ENTPD3: variants seen among roughly 807,000 people sequenced by gnomAD.
The protein encoded by ENTPD3 is CD39 antigen-like 3.
ENTPD3 carries 60 observed loss-of-function variants against 51.2 expected under a neutral mutation model. That is an observed-to-expected ratio of 1.17 (90% CI 0.95 to 1.45). The LOEUF is 1.45. Among genes scored for constraint, ENTPD3 ranks in the 40% most tolerant of loss-of-function variants. ENTPD3 has a pLI of 0.00. For missense variants in ENTPD3, 593 were observed against 641.1 expected, an observed-to-expected ratio of 0.93 and a Z score of 0.81; for synonymous variants, 221 against 238.4, an observed-to-expected ratio of 0.93 and a Z score of 0.67.
chr3:40,405,685 G>A (rs924703811), intron 4 of ENTPD3, among the ~76,000 whole-genome samples: 1 of 152,058 alleles, frequency 6.6e-6, no homozygotes, highest in Non-Finnish European at 1.5e-5. Flanking sequence ...CAGCTTAGAA[G>A]CCTGTGAATC....
intron 7 of ENTPD3, among the ~76,000 whole-genome samples, chr3:40,419,531 A>G (rs1490518481): frequency 6.6e-6 from 1 of 152,192 alleles, no homozygotes; most frequent in Non-Finnish European, 1.5e-5. Flanking sequence ...AGCAGTAACA[A>G]AAAAGGAAGT....
intron 10 of ENTPD3, among the ~76,000 whole-genome samples, chr3:40,426,107 CTTTTTTTTTTTTT>C (rs35267876): frequency 8.9e-6 from 1 of 112,446 alleles, no homozygotes; most frequent in African/African-American, 3.3e-5. Context: ...TTTTTCTTTT[CTTTTTTTTTTTTT>C]TTTTTTGAGA....
At chr3:40,406,783 T>C (rs1955512421) in intron 4 of ENTPD3, among the ~76,000 whole-genome samples, 1 of 152,158 alleles carries the variant, frequency 6.6e-6, no homozygotes, top group African/African-American at 2.4e-5. Context: ...TCCTAGAAAA[T>C]GCTGAGCAGC....
At chr3:40,406,017 G>A (rs1955486358) in intron 4 of ENTPD3, among the ~76,000 whole-genome samples, 1 of 152,174 alleles carries the variant, frequency 6.6e-6, no homozygotes, top group South Asian at 2.1e-4. Context: ...TGTGTTATGA[G>A]ACTTGCATTC....
intron 6 of ENTPD3, 55 bp from the exon 7 acceptor site, chr3:40,415,785 C>T: frequency 6.9e-7 from 1 of 1,454,332 alleles, no homozygotes; most frequent in South Asian, 1.2e-5. Context: ...GAACTCTGGG[C>T]AAACAGAGAT....
At position 40,423,346 on chromosome 3, in the gene ENTPD3, C is replaced by T; in HGVS notation, c.1160C>T (p.Ser387Phe). 2 of 1,614,092 alleles carry T rather than the reference C, an allele frequency of 1.2e-6. No individual in the cohort carries two copies. Among genetic ancestry groups the T allele is most frequent in the Non-Finnish European group, 1.7e-6 (2 of 1,179,982 alleles). Reference sequence around the variant, plus strand: ...GCTTTAAATCTTTCAGGTAGCTTTTCCCTGGACACCTTCAACTCCAGCACC... The same window carrying T: ...GCTTTAAATCTTTCAGGTAGCTTTTTCCTGGACACCTTCAACTCCAGCACC... ...ASALNLSGSF[S>F]LDTFNSSTWN... Residue 387 changes from serine (S) to phenylalanine (F), a missense_variant, in exon 9 of 11, where the codon TCC becomes TTC. Physicochemically the swap from Ser to Phe is radical, Grantham distance 155. Transcript: ENST00000301825.
rs1955934556 is a variant in ENTPD3 at position 40,423,898 on chromosome 3, C to G, written c.1288C>G (p.His430Asp). ...SYCFSANYIYHLFVNGYKFTE... is the reference protein window; with the variant it reads ...SYCFSANYIYDLFVNGYKFTE... ...CTGCTTCTCAGCCAACTACATCTAC[C>G]ACTTGTTTGTGAACGGTTACAAATT... The change falls in exon 10 of 11, where the codon CAC (histidine) becomes GAC (aspartate). Residue 430 changes from histidine to aspartate, a missense_variant. Coordinates refer to ENST00000301825, the MANE Select transcript of ENTPD3 (RefSeq NM_001248.4). 6.2e-7 allele frequency: 1 copy of G among 1,614,032 alleles called. No homozygotes were observed. The highest frequency in any genetic ancestry group is 1.7e-5 in the Admixed American group (1 of 59,998).
rs776960098 is a variant in ENTPD3, at chr3:40,423,861, T to A, written c.1251T>A (p.Tyr417Ter). The A allele has an allele frequency of 6.8e-6, 11 of 1,614,052 alleles. No homozygotes were observed. Among genetic ancestry groups the A allele is most frequent in the Non-Finnish European group, 9.3e-6 (11 of 1,180,022 alleles). The change falls in exon 10 of 11, where the codon TAT becomes TAA. Residue 417 changes from tyrosine (Y) to a stop codon, truncating the protein, a stop_gained. Coordinates refer to ENST00000301825, the MANE Select transcript of ENTPD3 (RefSeq NM_001248.4). LOFTEE classifies it high-confidence loss of function. ...TGCTCCCCAAATTTGATGAGGTATATGCCCGCTCTTACTGCTTCTCAGCCA... is the reference window on the plus strand; with the variant it reads ...TGCTCCCCAAATTTGATGAGGTATAAGCCCGCTCTTACTGCTTCTCAGCCA... ...PLLLPKFDEV[Y>*]ARSYCFSANY...
chr3:40,402,291 G>A (rs1460453312), intron 4 of ENTPD3, among the ~76,000 whole-genome samples: 2 of 151,334 alleles, frequency 1.3e-5, no homozygotes, highest in African/African-American at 4.9e-5. Context: ...GCTAATTTTT[G>A]TATTTTTAGT....
At chr3:40,423,448 G>A in intron 9 of ENTPD3, 47 bp downstream of exon 9, 1 of 1,293,846 alleles carries the variant, frequency 7.7e-7, no homozygotes, top group East Asian at 2.3e-5. Context: ...AAAAAATATG[G>A]TAGAATCTAT....
chr3:40,394,641 C>T (rs1575208982), intron 3 of ENTPD3, among the ~76,000 whole-genome samples: 1 of 152,216 alleles, frequency 6.6e-6, no homozygotes, highest in East Asian at 1.9e-4. Context: ...CCAGGGCTCT[C>T]TTCACTGCCT....
At chr3:40,402,233 C>T (rs1955379775) in intron 4 of ENTPD3, among the ~76,000 whole-genome samples, 1 of 147,384 alleles carries the variant, frequency 6.8e-6, no homozygotes, top group South Asian at 2.2e-4. Context: ...ATTCTCCTGC[C>T]TCCACCTCCC....
chr3:40,408,773 T>TATA (rs1419920169), intron 4 of ENTPD3, among the ~76,000 whole-genome samples: 1 of 152,158 alleles, frequency 6.6e-6, no homozygotes, highest in Non-Finnish European at 1.5e-5. Context: ...GGTGTGCACC[T>TATA]ATATTCCCAG....
chr3:40,388,664 G>T (rs1465256037), intron 2 of ENTPD3, among the ~76,000 whole-genome samples: 1 of 150,882 alleles, frequency 6.6e-6, no homozygotes, highest in African/African-American at 2.4e-5. Flanking sequence ...GCACTTTTTG[G>T]AGTTGCTCAT....
At chr3:40,401,342 T>C (rs1474324962) in intron 4 of ENTPD3, among the ~76,000 whole-genome samples, 1 of 152,176 alleles carries the variant, frequency 6.6e-6, no homozygotes, top group Non-Finnish European at 1.5e-5. Context: ...TAAAGGACAA[T>C]TTGTTACTCA....
chr3:40,416,909 C>T (rs917905589), intron 7 of ENTPD3, among the ~76,000 whole-genome samples: 10 of 152,164 alleles, frequency 6.6e-5, no homozygotes, highest in Non-Finnish European at 1.0e-4. Flanking sequence ...GGTTAACCCA[C>T]GTTCGTCCAA....
At chr3:40,412,941 A>G (rs1955667414) in intron 5 of ENTPD3, among the ~76,000 whole-genome samples, 2 of 152,204 alleles carry the variant, frequency 1.3e-5, no homozygotes, top group African/African-American at 4.8e-5. Context: ...TATTTCATTT[A>G]CGTGTAATAG....
intron 8 of ENTPD3, 51 bp from the exon 9 acceptor site, chr3:40,423,240 T>C: frequency 1.3e-6 from 2 of 1,568,796 alleles, no homozygotes; most frequent in Non-Finnish European, 1.7e-6. Flanking sequence ...TAAACCTTTC[T>C]ATTATACCCC....
intron 10 of ENTPD3, chr3:40,424,856 T>G (rs1265419161): frequency 1.6e-5 from 11 of 695,636 alleles, no homozygotes; most frequent in Non-Finnish European, 2.6e-5. Flanking sequence ...ATCAATATCC[T>G]GCATTAGGCC....
Sources: gnomAD v4.1 joint callset for allele counts (sites outside exome capture counted in the v4.1 genomes callset) on GRCh38, gnomAD v4.1.1 for gene constraint, MANE v1.5 for transcripts, NCBI Gene and HGNC (gene_info 2026-07-23, HGNC 2026-07-21) for gene names.